The following SDF2 variants were observed in gnomAD, a reference collection of about 807,000 sequenced individuals.
The protein encoded by SDF2 is stromal cell derived factor 2, also known as stromal cell-derived factor 2.
Under a neutral mutation model 20.5 loss-of-function variants are expected in SDF2, and 12 were observed. That is an observed-to-expected ratio of 0.58 (90% confidence interval 0.37 to 0.95). SDF2 has a LOEUF of 0.95. SDF2 is among the 40% of genes least tolerant of loss of function. The probability of loss-of-function intolerance (pLI) is 0.01; values close to 1 mark genes in which losing one functional copy is unlikely to be tolerated. For synonymous variants in SDF2, 100 were observed against 101.0 expected (o/e 0.99, Z 0.06); for missense variants, 238 against 263.1 (o/e 0.90, Z 0.66).
chr17:28,651,071 A>G (rs2071911050), intron 2 of SDF2, among the ~76,000 whole-genome samples: 1 of 151,700 alleles, frequency 6.6e-6, no homozygotes. Context: ...TGCTGGCTTT[A>G]AAATACTTTA....
chr17:28,650,114 G>A (rs1391145592), intron 2 of SDF2, among the ~76,000 whole-genome samples: 1 of 151,844 alleles, frequency 6.6e-6, no homozygotes, highest in Non-Finnish European at 1.5e-5. Context: ...CACCATGCCC[G>A]GCTAATTTTG....
At chr17:28,658,454 T>C (rs914725573) in intron 1 of SDF2, among the ~76,000 whole-genome samples, 1 of 152,190 alleles carries the variant, frequency 6.6e-6, no homozygotes, top group Non-Finnish European at 1.5e-5. Flanking sequence ...GGAGTGGTGA[T>C]GACTCTTAAC....
intron 2 of SDF2, among the ~76,000 whole-genome samples, chr17:28,654,018 C>T (rs2071934987): frequency 1.3e-5 from 2 of 152,112 alleles, no homozygotes; most frequent in African/African-American, 4.8e-5. Context: ...AGGCTTAAAA[C>T]AGTGGCACAA....
At chr17:28,653,449 C>T (rs1162844250) in intron 2 of SDF2, among the ~76,000 whole-genome samples, 1 of 152,174 alleles carries the variant, frequency 6.6e-6, no homozygotes, top group African/African-American at 2.4e-5. Flanking sequence ...CTGTCACAGC[C>T]AAGAACAGCC....
rs1314428529 is a variant in SDF2, at chr17:28,661,898, C to G, written c.-22G>C. Reference sequence around the variant, plus strand: ...CCATCCTAACTGTATCGCGGAGCCCCAAATCTTCGAAGAAAACTCGGCCCC... The same window carrying G: ...CCATCCTAACTGTATCGCGGAGCCCGAAATCTTCGAAGAAAACTCGGCCCC... On this transcript the variant is annotated 5_prime_UTR_variant, in exon 1 of 3. Coordinates refer to ENST00000247020, the MANE Select transcript of SDF2 (RefSeq NM_006923.4). The G allele has an allele frequency of 1.3e-6, 2 of 1,584,064 alleles. No individual in the cohort carries two copies. Among genetic ancestry groups the G allele is most frequent in the Non-Finnish European group, 1.7e-6 (2 of 1,157,446 alleles).
At chr17:28,660,107 C>T (rs1219337163) in intron 1 of SDF2, among the ~76,000 whole-genome samples, 3 of 152,182 alleles carry the variant, frequency 2.0e-5, no homozygotes, top group Admixed American at 1.3e-4. Flanking sequence ...GGCATGGCGG[C>T]GTGTGCCTGC....
At position 28,649,273 on chromosome 17, in the gene SDF2, C is replaced by G. The variant is rs1457833652; in HGVS notation, c.352G>C (p.Val118Leu). 1 of 1,613,320 alleles carries G rather than the reference C, an allele frequency of 6.2e-7. No individual in the cohort carries two copies. ...FTSPLSGNQE[V>L]SAFGEEGEGD... ...TCACCTTCCTCACCAAAAGCACTCA[C>G]TTCCTAGAAAATACAGAAGGTAGTA... Residue 118 changes from valine (V) to leucine (L), a missense_variant, in exon 3 of 3, where the codon GTG becomes CTG. Coordinates refer to ENST00000247020, the MANE Select transcript of SDF2 (RefSeq NM_006923.4).
Position 28,648,754 on chromosome 17 carries a change from C to T in SDF2, c.*235G>A. ...CAGTACTAATAAAAAGCATCTGCCC[C>T]TTTACCAGCAAGTCCTCTACTCAGA... On this transcript the variant is annotated 3_prime_UTR_variant, in exon 3 of 3. Transcript: ENST00000247020. The T allele has an allele frequency of 3.5e-6, 2 of 573,222 alleles. No homozygotes were observed. The highest frequency in any genetic ancestry group is 2.2e-5 in the South Asian group (1 of 46,198). The allele number at this position is 573,222 out of a possible 1,614,324, so 35.5% of individuals were successfully genotyped here.
chr17:28,661,023 A>G, intron 1 of SDF2: 1 of 363,322 alleles, frequency 2.8e-6, no homozygotes, highest in Non-Finnish European at 5.3e-6. Context: ...GGAACTCATT[A>G]AGACCTATGC....
At chr17:28,662,082 T>G (rs2072059770), upstream of SDF2, 2 of 509,412 alleles carry the variant, frequency 3.9e-6, no homozygotes, top group Non-Finnish European at 6.8e-6. Flanking sequence ...CAGTGACAGC[T>G]GCCTTCCTGA....
chr17:28,656,353 T>G (rs988381198), intron 1 of SDF2: 1 of 151,956 alleles, frequency 6.6e-6, no homozygotes, highest in African/African-American at 2.4e-5. Context: ...TTTGGGAGGC[T>G]GAGGCAGTTG....
At chr17:28,651,110 G>A (rs573798104) in intron 2 of SDF2, among the ~76,000 whole-genome samples, 4 of 152,240 alleles carry the variant, frequency 2.6e-5, no homozygotes, top group East Asian at 1.9e-4. Flanking sequence ...TCGCTCTGTC[G>A]CCCAGGCTGG....
rs2072053056 is a variant in SDF2 at position 28,661,866 on chromosome 17, AC to A, written c.10del (p.Val4TyrfsTer27). 8.1e-6 allele frequency: 13 copies of A among 1,611,522 alleles called. No individual in the cohort carries two copies. The highest frequency in any genetic ancestry group is 1.1e-5 in the Non-Finnish European group (13 of 1,177,924). On this transcript the variant is annotated frameshift_variant, in exon 1 of 3. Transcript: ENST00000247020. LOFTEE classifies it high-confidence loss of function. ...CAAACCCCCCAACAACAGCAGAGGT[AC>A]TACAGCCATCCTAACTGTATCGCGG... is the stretch of plus-strand genomic sequence containing the variant. MAVVPLLLLGGLWS... is the reference protein window; with the variant it reads MAVXPLLLLGGLWS...
At position 28,655,382 on chromosome 17, in the gene SDF2, G is replaced by A. The variant is rs2071952776; in HGVS notation, c.253C>T (p.Pro85Ser). The change falls in exon 2 of 3, where the codon CCC (proline) becomes TCC (serine). Residue 85 changes from proline (P) to serine (S), a missense_variant. Physicochemically the swap from Pro to Ser is moderately conservative, Grantham distance 74. Transcript: ENST00000247020. ...KSATVCERGT[P>S]IKCGQPIRLT... ...CGGATGGGCTGGCCACACTTGATGGGGGTTCCCCTCTCACACACTGTGGCA... is the reference window on the plus strand; with the variant it reads ...CGGATGGGCTGGCCACACTTGATGGAGGTTCCCCTCTCACACACTGTGGCA... 2 of 1,614,100 alleles carry A rather than the reference G, an allele frequency of 1.2e-6. No individual in the cohort carries two copies.
rs747870588 is a variant in SDF2, at chr17:28,661,900, A to T, written c.-24T>A. 1 of 1,583,822 alleles carries T rather than the reference A, an allele frequency of 6.3e-7. No homozygotes were observed. Among genetic ancestry groups the T allele is most frequent in the East Asian group, 2.3e-5 (1 of 44,140 alleles). ...ATCCTAACTGTATCGCGGAGCCCCA[A>T]ATCTTCGAAGAAAACTCGGCCCCTC... On this transcript the variant is annotated 5_prime_UTR_variant, in exon 1 of 3. The change creates a new upstream start codon in the 5' untranslated region. Coordinates refer to ENST00000247020, the MANE Select transcript of SDF2 (RefSeq NM_006923.4).
At position 28,648,598 on chromosome 17, in the gene SDF2, AATT is replaced by A. The variant is rs2071885243; in HGVS notation, c.*388_*390del. 9.2e-6 allele frequency: 2 copies of A among 218,454 alleles called. No homozygotes were observed. The highest frequency in any genetic ancestry group is 8.2e-5 in the South Asian group (1 of 12,236). 13.5% of individuals were successfully genotyped at this position (218,454 alleles called of 1,614,324 possible). A position where few individuals can be genotyped will look rare whatever the true frequency, so the allele number is the denominator to read the frequency against. The stretch of plus-strand genomic sequence containing the variant: ...ATAACAACACAGTGACTCATAATAA[AATT>A]ATTGTTTTTATCATTTTGGAGAGAG... On this transcript the variant is annotated 3_prime_UTR_variant, in exon 3 of 3. Transcript: ENST00000247020.
intron 2 of SDF2, among the ~76,000 whole-genome samples, chr17:28,651,196 G>C (rs1043742089): frequency 2.6e-5 from 4 of 152,088 alleles, no homozygotes; most frequent in Admixed American, 2.0e-4. Context: ...AGAATAGCTG[G>C]GATTACAGGC....
chr17:28,661,652 A>G (rs988259639), intron 1 of SDF2, 74 bp downstream of exon 1: 12 of 1,510,148 alleles, frequency 7.9e-6, no homozygotes, highest in Non-Finnish European at 1.1e-5. Flanking sequence ...ACACTGTCAG[A>G]TATTCTATAG....
At chr17:28,652,057 G>C (rs967876299) in intron 2 of SDF2, among the ~76,000 whole-genome samples, 2 of 152,074 alleles carry the variant, frequency 1.3e-5, no homozygotes, top group Non-Finnish European at 1.5e-5. Flanking sequence ...TGTATCCCCA[G>C]CTACTTGGAA....
Sources: gnomAD v4.1 joint callset for allele counts (sites outside exome capture counted in the v4.1 genomes callset) on GRCh38, gnomAD v4.1.1 for gene constraint, MANE v1.5 for transcripts, NCBI Gene and HGNC (gene_info 2026-07-23, HGNC 2026-07-21) for gene names.